The following POLR2F variants were observed in gnomAD, a reference collection of about 807,000 sequenced individuals.
POLR2F encodes the protein DNA-directed RNA polymerases I, II, and III subunit RPABC2.
Under a neutral mutation model 22.7 loss-of-function variants are expected in POLR2F, and 12 were observed. That is an observed-to-expected ratio of 0.53 (90% CI 0.34 to 0.86). The LOEUF (loss-of-function observed/expected upper bound fraction) is 0.86, where lower values mean the gene tolerates loss of function less well. Ranked by LOEUF, POLR2F falls within the 40% of genes least tolerant of loss-of-function variation. The probability of loss-of-function intolerance (pLI) is 0.02; values close to 1 mark genes in which losing one functional copy is unlikely to be tolerated. For missense variants in POLR2F, 126 were observed against 171.5 expected, an observed-to-expected ratio of 0.73 and a Z score of 1.48; for synonymous variants, 57 against 66.0, an observed-to-expected ratio of 0.86 and a Z score of 0.66.
At chr22:38,040,773 C>G in intron 5 of POLR2F, 1 of 468,632 alleles carries the variant, frequency 2.1e-6, no homozygotes, top group Admixed American at 3.5e-5. Flanking sequence ...GGCACTGGCA[C>G]CTGCCTGGTG....
At chr22:38,032,967 C>T (rs2085080568) in intron 5 of POLR2F, 1 of 165,834 alleles carries the variant, frequency 6.0e-6, no homozygotes, top group Non-Finnish European at 1.5e-5. Flanking sequence ...CCACACGGAG[C>T]ATGACATAAT....
Position 37,986,200 on chromosome 22 carries a change from G to C in POLR2F, c.10G>C (p.Asp4His). 2 of 1,542,744 alleles carry C rather than the reference G, an allele frequency of 1.3e-6. No individual in the cohort carries two copies. Among genetic ancestry groups the C allele is most frequent in the Non-Finnish European group, 1.7e-6 (2 of 1,147,572 alleles). Residue 4 changes from aspartate (D) to histidine (H), a missense_variant, in exon 1 of 3, where the codon GAC (aspartate) becomes CAC (histidine). Transcript: ENST00000333418. The surrounding 1 kb of genome is among the most constrained non-coding windows in gnomAD (Gnocchi z 4.7). ...GCCCGGAGAGGAGCCGCCCTGGATG[G>C]ACAGAGGGACGAGGGACGAGCATCT... is the stretch of plus-strand genomic sequence containing the variant.
At chr22:37,960,746 G>A in intron 3 of POLR2F, among the ~76,000 whole-genome samples, 1 of 151,968 alleles carries the variant, frequency 6.6e-6, no homozygotes, top group African/African-American at 2.4e-5. Context: ...TATTGGCCAG[G>A]CTGGTCTCAA....
At chr22:37,992,128 G>T (rs187109056) in intron 1 of POLR2F, among the ~76,000 whole-genome samples, 3 of 152,330 alleles carry the variant, frequency 2.0e-5, no homozygotes, top group Admixed American at 2.0e-4. Context: ...GTGCCACCAT[G>T]CCTGGCTCTA....
chr22:38,036,327 G>A (rs998737272), intron 5 of POLR2F, among the ~76,000 whole-genome samples: 3 of 151,848 alleles, frequency 2.0e-5, no homozygotes, highest in African/African-American at 7.3e-5. Flanking sequence ...CCATGAGGCT[G>A]GTGGGGCAGG....
chr22:37,978,786 T>C lies in POLR2F; in HGVS notation c.293+11616T>C, dbSNP rs564592140. 3.7e-4 allele frequency among the ~76,000 whole-genome samples: 57 copies of C among 152,198 alleles called. No homozygotes were observed. Among genetic ancestry groups the C allele is most frequent in the African/African-American group, 1.3e-3 (55 of 41,530 alleles). On this transcript the variant is annotated intron_variant, in intron 4 of 4. Transcript: ENST00000405557. The surrounding 1 kb of genome is among the most constrained non-coding windows in gnomAD (Gnocchi z 5.0). ...AAGAGGTGCTTTTCTTTCTTTCTTT[T>C]TTTTTTCTGTGAGGGAATCTCACTC... is the stretch of plus-strand genomic sequence containing the variant.
rs1932373732 is a variant in POLR2F at position 37,980,807 on chromosome 22, C to T, written c.293+13637C>T. ...AACTGGAAACCCCAACCGGGGACCT[C>T]CCACAGTGGGGCACTGATTGCTGCT... On this transcript the variant is annotated intron_variant, in intron 4 of 4. Coordinates refer to the POLR2F transcript ENST00000405557. The surrounding 1 kb of genome is among the most constrained non-coding windows in gnomAD (Gnocchi z 4.1). Among the ~76,000 whole-genome samples, 1 of 152,228 alleles carries T rather than the reference C, an allele frequency of 6.6e-6. No homozygotes were observed. Among genetic ancestry groups the T allele is most frequent in the African/African-American group, 2.4e-5 (1 of 41,456 alleles).
chr22:38,005,411 C>T (rs2084812321), intron 1 of POLR2F, among the ~76,000 whole-genome samples: 1 of 152,152 alleles, frequency 6.6e-6, no homozygotes, highest in Non-Finnish European at 1.5e-5. Context: ...GGCATGTGAG[C>T]CACCTCGAAT....
Position 38,016,666 on chromosome 22 carries a change from T to A in POLR2F, c.121-9203T>A, listed in dbSNP as rs1276218159. Among the ~76,000 whole-genome samples, 1 of 148,126 alleles carries A rather than the reference T, an allele frequency of 6.8e-6. No individual in the cohort carries two copies. Among genetic ancestry groups the A allele is most frequent in the Non-Finnish European group, 1.5e-5 (1 of 67,398 alleles). ...TGGTTTATCTGGTTCCTCTTGTTTA[T>A]GAGCAGGGCTCCTTTGGCAGCGGTT... On this transcript the variant is annotated intron_variant, in intron 1 of 2. Coordinates refer to the POLR2F transcript ENST00000333418. This position sits in a 1 kb window ranked among gnomAD's most constrained non-coding sequence, Gnocchi z 4.4.
intron 1 of POLR2F, among the ~76,000 whole-genome samples, chr22:38,013,170 T>C (rs140423377): frequency 6.6e-6 from 1 of 152,010 alleles, no homozygotes; most frequent in Admixed American, 6.6e-5. Context: ...TTTTTTCATA[T>C]AGATTCTCAC....
intron 3 of POLR2F, among the ~76,000 whole-genome samples, chr22:37,963,850 C>T (rs1433475665): frequency 2.0e-5 from 3 of 152,142 alleles, no homozygotes; most frequent in Admixed American, 1.3e-4. Flanking sequence ...GCCTGGAATC[C>T]GAGCACTGTG....
chr22:38,026,441 C>A (rs1285728498), exon 3 of POLR2F: 2 of 419,018 alleles, frequency 4.8e-6, no homozygotes, highest in Non-Finnish European at 1.0e-5. Flanking sequence ...TCTATAACAC[C>A]AGGGGCTGGT....
Position 37,968,062 on chromosome 22 carries a change from AC to A in POLR2F, c.*348del. ...CTTTGTGCCCAGGGAGCTGGTTGCC[AC>A]GGAAACCCCCAATTTCCTTTCCAGT... is the stretch of plus-strand genomic sequence containing the variant. On this transcript the variant is annotated 3_prime_UTR_variant, in exon 5 of 5. Coordinates refer to ENST00000442738, the MANE Select transcript of POLR2F (RefSeq NM_021974.5). 4 of 1,011,412 alleles carry A rather than the reference AC, an allele frequency of 4.0e-6. No homozygotes were observed. The highest frequency in any genetic ancestry group is 4.7e-6 in the Non-Finnish European group (4 of 846,246). The allele number at this position is 1,011,412 out of a possible 1,614,324, so 62.7% of individuals were successfully genotyped here.
chr22:38,040,771 C>T, intron 5 of POLR2F: 1 of 466,190 alleles, frequency 2.1e-6, no homozygotes, highest in Non-Finnish European at 3.9e-6. Flanking sequence ...AGGGCACTGG[C>T]ACCTGCCTGG....
chr22:37,953,945 G>C, intron 1 of POLR2F, 138 bp downstream of exon 1: 1 of 1,070,880 alleles, frequency 9.3e-7, no homozygotes, highest in Non-Finnish European at 1.3e-6. Flanking sequence ...GCGGAGCCGA[G>C]GAAGGGAAGG....
At chr22:38,022,492 A>G (rs1431970563) in intron 1 of POLR2F, among the ~76,000 whole-genome samples, 1 of 149,842 alleles carries the variant, frequency 6.7e-6, no homozygotes, top group Non-Finnish European at 1.5e-5. Flanking sequence ...CAGAGGTTGC[A>G]GTGACCCGAG....
chr22:37,999,013 AC>A (rs1431148993), intron 1 of POLR2F, among the ~76,000 whole-genome samples: 1 of 150,384 alleles, frequency 6.6e-6, no homozygotes, highest in Non-Finnish European at 1.5e-5. Context: ...CAAGATGAAG[AC>A]CCCCTCCTGT....
downstream of POLR2F, among the ~76,000 whole-genome samples, chr22:38,027,668 A>C (rs1207468833): frequency 6.6e-6 from 1 of 152,116 alleles, no homozygotes; most frequent in African/African-American, 2.4e-5. Flanking sequence ...ACAAATGCTC[A>C]TATGCACGTG....
intron 3 of POLR2F, among the ~76,000 whole-genome samples, chr22:37,961,747 G>A (rs1423884930): frequency 1.3e-5 from 2 of 152,152 alleles, no homozygotes; most frequent in Non-Finnish European, 2.9e-5. Context: ...TCACCTGTCA[G>A]AATAGTTCCT....
Sources: allele counts gnomAD v4.1 joint callset (sites outside exome capture counted in the v4.1 genomes callset), GRCh38; gene constraint gnomAD v4.1.1; non-coding constraint Gnocchi (gnomAD v3.1); transcripts MANE v1.5; gene names NCBI Gene and HGNC (gene_info 2026-07-23, HGNC 2026-07-21).